Variants in FGF13 observed in about 807,000 individuals in gnomAD.
FGF13 encodes fibroblast growth factor homologous factor 2.
Under a neutral mutation model 19.5 loss-of-function variants are expected in FGF13, and 2 were observed. The ratio of observed to expected loss-of-function variants is 0.10; its 90% CI spans 0.04 to 0.32. The LOEUF is 0.32. FGF13 is among the 10% of genes least tolerant of loss of function. FGF13 has a pLI of 1.00. For missense variants in FGF13, 113 were observed against 192.7 expected (o/e 0.59, Z 2.45); for synonymous variants, 72 against 76.9 (o/e 0.94, Z 0.33).
At chrX:138,711,940 TGGA>T (rs1416839742), upstream of FGF13, among the ~76,000 whole-genome samples, 2 of 109,787 alleles carry the variant, frequency 1.8e-5, no homozygotes, top group Non-Finnish European at 3.8e-5. Context: ...GAAACAGTGA[TGGA>T]GGAGGAACTG....
chrX:139,068,755 A>G (rs2092365933), intron 1 of FGF13, among the ~76,000 whole-genome samples: 1 of 110,396 alleles, frequency 9.1e-6, no homozygotes, highest in South Asian at 4.0e-4. Context: ...GCAATTGTGA[A>G]TGGGAGTTCA....
At position 139,182,142 on chromosome X, in the gene FGF13, CACA is replaced by C. The variant is rs917328424; in HGVS notation, c.-113+21271_-113+21273del. On this transcript the variant is annotated intron_variant, in intron 1 of 2. Coordinates refer to the FGF13 transcript ENST00000421460. ...TGTATATATTAACTGATTTAATACACACAACAACCCAGTGAGGTAGGTACTACT... is the reference window on the plus strand; with the variant it reads ...TGTATATATTAACTGATTTAATACACACAACCCAGTGAGGTAGGTACTACT... Among the ~76,000 whole-genome samples the C allele has an allele frequency of 4.5e-5, 5 of 111,784 alleles. No individual in the cohort carries two copies. In the East Asian group the frequency reaches 1.1e-3, roughly 25 times the overall value.
intron 3 of FGF13, among the ~76,000 whole-genome samples, chrX:138,800,229 A>G (rs1475478036): frequency 9.0e-6 from 1 of 111,177 alleles, no homozygotes; most frequent in Non-Finnish European, 1.9e-5. Context: ...TCCTTTCCAT[A>G]TTTAGTGCTT....
At chrX:139,170,614 A>G (rs897317983) in intron 1 of FGF13, among the ~76,000 whole-genome samples, 1 of 111,528 alleles carries the variant, frequency 9.0e-6, no homozygotes. Flanking sequence ...GTTCAGCAAA[A>G]TGTCATCACT....
chrX:138,850,785 A>G (rs1388777104), intron 3 of FGF13, among the ~76,000 whole-genome samples: 2 of 112,323 alleles, frequency 1.8e-5, no homozygotes, highest in African/African-American at 6.5e-5. Flanking sequence ...AGTTTGTTAC[A>G]TAGGTAAATG....
chrX:138,908,045 G>C (rs1165096924), intron 1 of FGF13, among the ~76,000 whole-genome samples: 4 of 55,126 alleles, frequency 7.3e-5, no homozygotes, highest in Non-Finnish European at 1.3e-4. Flanking sequence ...AGGATTATTG[G>C]TGATCTTTTT....
At chrX:138,667,825 T>C (rs376579647) in intron 3 of FGF13, 2 of 312,539 alleles carry the variant, frequency 6.4e-6, no homozygotes, top group African/African-American at 2.7e-5. Flanking sequence ...ATTTTCTGTC[T>C]TCTGTTGTGA....
intron 1 of FGF13, chrX:138,716,731 C>G (rs1164427318): frequency 1.8e-5 from 2 of 112,336 alleles, no homozygotes; most frequent in South Asian, 3.7e-4. Context: ...TACCCTGACA[C>G]ATATATTAGC....
At chrX:138,959,175 C>G (rs1421704441) in intron 1 of FGF13, among the ~76,000 whole-genome samples, 1 of 111,645 alleles carries the variant, frequency 9.0e-6, no homozygotes, top group African/African-American at 3.3e-5. Flanking sequence ...CTAAATTTCC[C>G]TCTACACACT....
chrX:139,006,189 G>C (rs1348339992), intron 1 of FGF13, among the ~76,000 whole-genome samples: 3 of 111,373 alleles, frequency 2.7e-5, no homozygotes, highest in Non-Finnish European at 5.7e-5. Flanking sequence ...AGCAGCATGA[G>C]AAAAGAAACA....
intron 3 of FGF13, among the ~76,000 whole-genome samples, chrX:138,767,629 G>C (rs1266603284): frequency 1.8e-5 from 2 of 112,123 alleles, no homozygotes; most frequent in Non-Finnish European, 3.8e-5. Context: ...GGAGGCCATA[G>C]TCAAACTATC....
At chrX:138,719,296 A>G (rs2090131504) in intron 1 of FGF13, among the ~76,000 whole-genome samples, 1 of 112,105 alleles carries the variant, frequency 8.9e-6, no homozygotes, top group African/African-American at 3.2e-5. Flanking sequence ...AATAATACAT[A>G]TGATCTATGC....
At chrX:138,692,313 T>A (rs2089846040) in intron 3 of FGF13, among the ~76,000 whole-genome samples, 1 of 110,796 alleles carries the variant, frequency 9.0e-6, no homozygotes. Flanking sequence ...CAGTTACTAA[T>A]TAATGAGCAT....
intron 1 of FGF13, among the ~76,000 whole-genome samples, chrX:139,054,954 G>A (rs1176064342): frequency 9.4e-6 from 1 of 106,252 alleles, no homozygotes; most frequent in Non-Finnish European, 1.9e-5. Flanking sequence ...TATTGTAAAA[G>A]GGGTTGAGTT....
intron 1 of FGF13, among the ~76,000 whole-genome samples, chrX:139,065,061 A>G (rs1183132971): frequency 9.0e-6 from 1 of 110,856 alleles, no homozygotes; most frequent in Admixed American, 9.7e-5. Flanking sequence ...TATTCTAGTT[A>G]GCAATTCCTC....
chrX:139,033,532 T>C (rs1406422766), intron 1 of FGF13, among the ~76,000 whole-genome samples: 1 of 111,898 alleles, frequency 8.9e-6, no homozygotes, highest in East Asian at 2.8e-4. Flanking sequence ...AGTAACACTG[T>C]TAGGAAGTAG....
chrX:138,820,954 G>T (rs1318285428), intron 3 of FGF13, among the ~76,000 whole-genome samples: 1 of 111,256 alleles, frequency 9.0e-6, no homozygotes, highest in Non-Finnish European at 1.9e-5. Context: ...GCTCAGAGAG[G>T]GTCCAGCAAG....
chrX:138,718,672 C>G (rs985925926), intron 1 of FGF13, among the ~76,000 whole-genome samples: 1 of 111,771 alleles, frequency 8.9e-6, no homozygotes, highest in Non-Finnish European at 1.9e-5. Flanking sequence ...CATCTCTTTT[C>G]AGACACTGAC....
At chrX:138,828,723 A>ATT (rs565968670) in intron 3 of FGF13, among the ~76,000 whole-genome samples, 1 of 104,124 alleles carries the variant, frequency 9.6e-6, no homozygotes, top group South Asian at 4.2e-4. Context: ...TATTAGAAGT[A>ATT]TTTTTTTTTT....
Sources: gnomAD v4.1 joint callset for allele counts (sites outside exome capture counted in the v4.1 genomes callset) on GRCh38, gnomAD v4.1.1 for gene constraint, MANE v1.5 for transcripts, NCBI Gene and HGNC (gene_info 2026-07-23, HGNC 2026-07-21) for gene names.